The following FHIT variants were observed in gnomAD, a reference collection of about 807,000 sequenced individuals.
The protein encoded by FHIT is bis(5'-adenosyl)-triphosphatase.
A neutral mutation model predicts 17.9 loss-of-function variants in FHIT; 19 were observed. The observed-to-expected ratio is 1.06, with a 90% CI of 0.74 to 1.56. FHIT has a LOEUF of 1.56. Ranked by LOEUF, FHIT falls within the 40% of genes most tolerant of loss-of-function variation. The probability of loss-of-function intolerance (pLI) is 0.00; values close to 1 mark genes in which losing one functional copy is unlikely to be tolerated. For missense variants in FHIT, 248 were observed against 189.2 expected (o/e 1.31, Z -1.82); for synonymous variants, 81 against 69.7 (o/e 1.16, Z -0.81).
intron 4 of FHIT, among the ~76,000 whole-genome samples, chr3:60,772,821 G>T (rs1448629485): frequency 6.6e-6 from 1 of 152,010 alleles, no homozygotes; most frequent in Non-Finnish European, 1.5e-5. Flanking sequence ...TGCATGTCTG[G>T]CACCCATGGC....
intron 8 of FHIT, among the ~76,000 whole-genome samples, chr3:59,899,324 C>A (rs1395767629): frequency 1.3e-5 from 2 of 152,186 alleles, no homozygotes; most frequent in Non-Finnish European, 2.9e-5. Flanking sequence ...TGGACAAAGG[C>A]TGACACATCT....
intron 5 of FHIT, among the ~76,000 whole-genome samples, chr3:60,392,779 G>A (rs528679557): frequency 1.3e-5 from 2 of 152,290 alleles, no homozygotes; most frequent in Admixed American, 1.3e-4. Flanking sequence ...ACCAAGAGGT[G>A]GAAATGGGTG....
intron 5 of FHIT, among the ~76,000 whole-genome samples, chr3:60,437,048 T>C (rs2030328740): frequency 1.3e-5 from 2 of 152,148 alleles, no homozygotes; most frequent in Admixed American, 1.3e-4. Context: ...GATTTGATTA[T>C]GTTTTCAATC....
chr3:60,765,325 A>T (rs558444198), intron 4 of FHIT, among the ~76,000 whole-genome samples: 19 of 152,330 alleles, frequency 1.2e-4, no homozygotes, highest in African/African-American at 4.6e-4. Flanking sequence ...CCTTCTCAAA[A>T]GGGAATTTGC....
intron 5 of FHIT, among the ~76,000 whole-genome samples, chr3:60,502,093 C>A (rs140428654): frequency 6.6e-6 from 1 of 152,236 alleles, no homozygotes; most frequent in East Asian, 1.9e-4. Context: ...TTCTTTGGAT[C>A]CAGTAGAGGA....
intron 4 of FHIT, among the ~76,000 whole-genome samples, chr3:60,566,287 T>A (rs553000512): frequency 6.6e-6 from 1 of 152,222 alleles, no homozygotes; most frequent in African/African-American, 2.4e-5. Flanking sequence ...ATCCCTGGGA[T>A]GCAAGGCTGG....
Position 59,940,510 on chromosome 3 carries a change from C to A in FHIT, c.280-18096G>T, listed in dbSNP as rs1222675940. ...GAAACCCTGGAGCTTCCAAAGAACA[C>A]AGTGTGAAAAACTTTGCTTGGGGAG... On this transcript the variant is annotated intron_variant, in intron 7 of 9. Coordinates refer to ENST00000492590, the MANE Select transcript of FHIT (RefSeq NM_002012.4). Among the ~76,000 whole-genome samples the A allele has an allele frequency of 2.0e-5, 3 of 152,072 alleles. No individual in the cohort carries two copies. The East Asian group carries it at 5.8e-4, about 29-fold the overall frequency.
chr3:60,274,979 T>A (rs1195775987), intron 5 of FHIT, among the ~76,000 whole-genome samples: 1 of 152,180 alleles, frequency 6.6e-6, no homozygotes, highest in East Asian at 1.9e-4. Flanking sequence ...TTCCCCACAT[T>A]TATCTGTTTT....
At chr3:60,009,267 G>A (rs909433333) in intron 7 of FHIT, among the ~76,000 whole-genome samples, 2 of 145,870 alleles carry the variant, frequency 1.4e-5, no homozygotes, top group African/African-American at 5.1e-5. Flanking sequence ...TTCTACAAAC[G>A]AGTCAAGATA....
Position 60,421,931 on chromosome 3 carries a change from G to A in FHIT, c.103+114929C>T, listed in dbSNP as rs575620114. ...GCCATTGCAAAACTCCACTGGCAAG[G>A]CGCTATCAGCCTGCAGCAAGGTTGT... On this transcript the variant is annotated intron_variant, in intron 5 of 9. Coordinates refer to ENST00000492590, the MANE Select transcript of FHIT (RefSeq NM_002012.4). 4.9e-4 allele frequency among the ~76,000 whole-genome samples: 74 copies of A among 152,212 alleles called. 2 individuals are homozygous for A. The South Asian group carries it at 0.013, about 27-fold the overall frequency.
At chr3:60,507,002 A>ATAC (rs1192939517) in intron 5 of FHIT, among the ~76,000 whole-genome samples, 1 of 152,190 alleles carries the variant, frequency 6.6e-6, no homozygotes, top group Non-Finnish European at 1.5e-5. Flanking sequence ...AAAAAAGCAT[A>ATAC]TACTGCCCCT....
intron 5 of FHIT, among the ~76,000 whole-genome samples, chr3:60,514,712 G>C (rs1051193945): frequency 1.3e-5 from 2 of 152,146 alleles, no homozygotes; most frequent in Admixed American, 6.6e-5. Context: ...AAATCCTCCA[G>C]TGTTTATCAT....
In FHIT at chr3:59,948,108, A is replaced by G. The variant is rs371888046; in HGVS notation, c.280-25694T>C. ...TACTATAAACTACCTGTGAACATTC[A>G]TTCATGTACAGATTTTTGTGTACAC... On this transcript the variant is annotated intron_variant, in intron 7 of 9. Transcript: ENST00000492590. Among the ~76,000 whole-genome samples the G allele has an allele frequency of 3.9e-5, 6 of 152,132 alleles. No homozygotes were observed. In the East Asian group the frequency reaches 7.7e-4, roughly 20 times the overall value.
chr3:60,019,415 C>CTTTTTT lies in FHIT; in HGVS notation c.104-5269_104-5264dup, dbSNP rs1281567026. On this transcript the variant is annotated intron_variant, in intron 5 of 9. Transcript: ENST00000492590. The stretch of plus-strand genomic sequence containing the variant: ...ATGGCATTTTAGAGTTGAGATGCTC[C>CTTTTTT]TTTTTTTTTTTTTTTTTCCTGAGAT... Among the ~76,000 whole-genome samples the CTTTTTT allele has an allele frequency of 4.1e-3, 494 of 121,056 alleles. 12 individuals carry two copies. The highest frequency in any genetic ancestry group is 0.014 in the Middle Eastern group (3 of 220). 79.4% of individuals were successfully genotyped at this position (121,056 alleles called of 152,430 possible).
At chr3:60,442,989 A>T (rs902364929) in intron 5 of FHIT, among the ~76,000 whole-genome samples, 3 of 152,108 alleles carry the variant, frequency 2.0e-5, no homozygotes, top group Admixed American at 6.6e-5. Flanking sequence ...GGTCCTTCAC[A>T]TCCCTTGTAA....
chr3:60,548,163 GAGAC>G (rs1387533844), intron 4 of FHIT, among the ~76,000 whole-genome samples: 9 of 147,766 alleles, frequency 6.1e-5, no homozygotes, highest in African/African-American at 2.3e-4. Context: ...GAGAGAGAGA[GAGAC>G]ACTCTTCATA....
chr3:60,688,428 T>G lies in FHIT; in HGVS notation c.-18+133491A>C, dbSNP rs1488510723. 2.1e-5 allele frequency among the ~76,000 whole-genome samples: 3 copies of G among 145,722 alleles called. 1 individual carries two copies. Among genetic ancestry groups the G allele is most frequent in the South Asian group, 4.4e-4 (2 of 4,596 alleles). On this transcript the variant is annotated intron_variant, in intron 4 of 9. Transcript: ENST00000492590. ...TATTTGGTCAAATTATGTTTTGTGT[T>G]TTTTTTTTTGTTTTTTTTTTTAGAC...
At chr3:60,682,218 G>A (rs1309753379) in intron 4 of FHIT, among the ~76,000 whole-genome samples, 1 of 152,068 alleles carries the variant, frequency 6.6e-6, no homozygotes, top group Non-Finnish European at 1.5e-5. Context: ...TTATTTGCCT[G>A]CCTCGGCCTC....
At chr3:59,986,852 G>C (rs1278647440) in intron 7 of FHIT, among the ~76,000 whole-genome samples, 1 of 69,846 alleles carries the variant, frequency 1.4e-5, no homozygotes, top group Non-Finnish European at 2.6e-5. Context: ...ATATGTATAG[G>C]ATTTACTATA....
Sources: allele counts gnomAD v4.1 joint callset (sites outside exome capture counted in the v4.1 genomes callset), GRCh38; gene constraint gnomAD v4.1.1; transcripts MANE v1.5; gene names NCBI Gene and HGNC (gene_info 2026-07-23, HGNC 2026-07-21).